The following CNPY1 variants were observed in gnomAD, a reference collection of about 807,000 sequenced individuals.
CNPY1 encodes protein canopy homolog 1.
In CNPY1, 14 loss-of-function variants were observed where a neutral mutation model predicts 14.4. That is an observed-to-expected ratio of 0.97 (90% CI 0.64 to 1.52). The LOEUF is 1.52. Among genes scored for constraint, CNPY1 ranks in the 40% most tolerant of loss-of-function variants. The probability of loss-of-function intolerance (pLI) is 0.00; values close to 1 mark genes in which losing one functional copy is unlikely to be tolerated. For synonymous variants in CNPY1, 43 were observed against 46.5 expected, an observed-to-expected ratio of 0.92 and a Z score of 0.31; for missense variants, 129 against 131.5, an observed-to-expected ratio of 0.98 and a Z score of 0.09.
Position 155,517,272 on chromosome 7 carries a change from G to A in CNPY1, c.100-8175C>T, listed in dbSNP as rs118010723. Among the ~76,000 whole-genome samples the A allele has an allele frequency of 8.1e-3, 1,226 of 152,034 alleles. 38 individuals carry two copies. The highest frequency in any genetic ancestry group is 0.051 in the Admixed American group (771 of 15,258). The stretch of plus-strand genomic sequence containing the variant: ...AGGAAACCGACACGCACAGAGGGAC[G>A]GCCATGTGAGGACGCAGAGGGAAGA... On this transcript the variant is annotated intron_variant, in intron 2 of 4. Coordinates refer to ENST00000636446, the MANE Select transcript of CNPY1 (RefSeq NM_001393663.1).
intron 2 of CNPY1, among the ~76,000 whole-genome samples, chr7:155,538,202 G>T (rs1015337044): frequency 1.3e-5 from 2 of 152,176 alleles, no homozygotes; most frequent in South Asian, 2.1e-4. Context: ...TATTAAGGTG[G>T]CATCCATGGG....
At chr7:155,533,529 C>T (rs1024139870) in intron 2 of CNPY1, among the ~76,000 whole-genome samples, 2 of 152,200 alleles carry the variant, frequency 1.3e-5, no homozygotes, top group Admixed American at 1.3e-4. Flanking sequence ...GGGGCCAGCT[C>T]CGCCACCCAG....
At chr7:155,514,313 G>A (rs953430065) in intron 2 of CNPY1, among the ~76,000 whole-genome samples, 5 of 152,212 alleles carry the variant, frequency 3.3e-5, no homozygotes, top group African/African-American at 1.2e-4. Context: ...CATGTGCCCA[G>A]TGGAAGTCCA....
intron 2 of CNPY1, among the ~76,000 whole-genome samples, chr7:155,520,428 C>CTTTTTTTTTTTTTTTT (rs71522007): frequency 5.8e-5 from 4 of 69,414 alleles, no homozygotes; most frequent in Admixed American, 2.1e-4. Context: ...TTCTTTCTTT[C>CTTTTTTTTTTTTTTTT]TTTTTTTTTT....
intron 2 of CNPY1, among the ~76,000 whole-genome samples, chr7:155,542,982 C>CG (rs1797104433): frequency 1.3e-5 from 2 of 152,138 alleles, no homozygotes; most frequent in Non-Finnish European, 2.9e-5. Flanking sequence ...GCCGAGAGGC[C>CG]ACTCACTCGC....
chr7:155,542,964 C>T (rs1297654379), intron 2 of CNPY1, among the ~76,000 whole-genome samples: 1 of 152,130 alleles, frequency 6.6e-6, no homozygotes, highest in African/African-American at 2.4e-5. Flanking sequence ...ACACTGGGTC[C>T]GCACAGTGCC....
chr7:155,515,986 T>C (rs571641770), intron 2 of CNPY1, among the ~76,000 whole-genome samples: 3 of 149,730 alleles, frequency 2.0e-5, no homozygotes, highest in African/African-American at 7.4e-5. Flanking sequence ...TGTCTACATG[T>C]GTGAGCAAAT....
At chr7:155,505,648 C>T (rs534367530) in intron 4 of CNPY1, among the ~76,000 whole-genome samples, 1 of 152,216 alleles carries the variant, frequency 6.6e-6, no homozygotes, top group South Asian at 2.1e-4. Flanking sequence ...AGTGGATCTG[C>T]GTTTGTCATA....
At chr7:155,514,060 G>A (rs535048102) in intron 2 of CNPY1, among the ~76,000 whole-genome samples, 4 of 152,336 alleles carry the variant, frequency 2.6e-5, no homozygotes, top group Admixed American at 1.3e-4. Context: ...GGTGGGCACC[G>A]CTCAGAGGGC....
At chr7:155,540,072 C>G (rs1413174018) in intron 2 of CNPY1, among the ~76,000 whole-genome samples, 2 of 152,188 alleles carry the variant, frequency 1.3e-5, no homozygotes, top group Non-Finnish European at 2.9e-5. Flanking sequence ...TTTCTCTCCT[C>G]TGGTGGCTAA....
At chr7:155,527,054 C>CTTTCTTTCTTTTTTTTTTTTTTT (rs56296833) in intron 2 of CNPY1, among the ~76,000 whole-genome samples, 1 of 90,344 alleles carries the variant, frequency 1.1e-5, no homozygotes, top group Non-Finnish European at 2.0e-5. Context: ...TTCTTTCTTT[C>CTTTCTTTCTTTTTTTTTTTTTTT]TTTTTTTTTT....
At chr7:155,533,849 C>G (rs1796985814) in intron 2 of CNPY1, 1 of 152,222 alleles carries the variant, frequency 6.6e-6, no homozygotes, top group Non-Finnish European at 1.5e-5. Context: ...GTTTCAGCAC[C>G]CACCAAGAGG....
chr7:155,510,151 C>G (rs1490447102), intron 2 of CNPY1: 1 of 152,226 alleles, frequency 6.6e-6, no homozygotes. Flanking sequence ...TGTCCCCTTT[C>G]AGGCGCAGTA....
chr7:155,516,820 C>T lies in CNPY1; in HGVS notation c.100-7723G>A, dbSNP rs144231096. ...GGTCCCGCCTGGCCACCTTCTGTTC[C>T]CTCCTGGTGACTCCTCGGCCTCCTA... On this transcript the variant is annotated intron_variant, in intron 2 of 4. Coordinates refer to ENST00000636446, the MANE Select transcript of CNPY1 (RefSeq NM_001393663.1). Among the ~76,000 whole-genome samples, 246 of 152,302 alleles carry T rather than the reference C, an allele frequency of 1.6e-3. 3 individuals are homozygous for T. Among genetic ancestry groups the T allele is most frequent in the Middle Eastern group, 0.01 (3 of 294 alleles).
At chr7:155,510,222 G>A (rs1220550698) in intron 2 of CNPY1, 1 of 152,224 alleles carries the variant, frequency 6.6e-6, no homozygotes, top group Non-Finnish European at 1.5e-5. Context: ...GCGCACAAAG[G>A]GTCTCCGCGC....
At chr7:155,510,406 G>T (rs1192752854) in intron 2 of CNPY1, 1 of 152,164 alleles carries the variant, frequency 6.6e-6, no homozygotes, top group African/African-American at 2.4e-5. Flanking sequence ...CATTCTAAAA[G>T]AAACTTGGGA....
Position 155,532,428 on chromosome 7 carries a change from T to C in CNPY1, c.99+13403A>G, listed in dbSNP as rs537615213. Among the ~76,000 whole-genome samples, 53 of 151,104 alleles carry C rather than the reference T, an allele frequency of 3.5e-4. No homozygotes were observed. In the East Asian group the frequency reaches 7.2e-3, roughly 21 times the overall value. ...ACAAGGTCAGGAGATCAAGACCATC[T>C]CGGCTAACATGGTGAAACCCGTCTC... On this transcript the variant is annotated intron_variant, in intron 2 of 4. Transcript: ENST00000636446.
At chr7:155,546,334 C>A (rs1265388315) in intron 1 of CNPY1, 95 bp downstream of exon 1, 1 of 391,068 alleles carries the variant, frequency 2.6e-6, no homozygotes, top group Non-Finnish European at 4.5e-6. Context: ...TACAGGCATA[C>A]GTCGCCACAC....
At position 155,509,786 on chromosome 7, in the gene CNPY1, C is replaced by A. The variant is rs555356851; in HGVS notation, c.100-689G>T. On this transcript the variant is annotated intron_variant, in intron 2 of 4. Coordinates refer to ENST00000636446, the MANE Select transcript of CNPY1 (RefSeq NM_001393663.1). ...TTCTTTGGGAACAGCTGGTGCACGT[C>A]CCCGCGCGCCCCTCTCCCTCCGGAA... Among the ~76,000 whole-genome samples, 308 of 152,334 alleles carry A rather than the reference C, an allele frequency of 2.0e-3. 4 individuals are homozygous for A. In the Middle Eastern group the frequency reaches 0.034, roughly 17 times the overall value.
Sources: allele counts gnomAD v4.1 joint callset (sites outside exome capture counted in the v4.1 genomes callset), GRCh38; gene constraint gnomAD v4.1.1; transcripts MANE v1.5; gene names NCBI Gene and HGNC (gene_info 2026-07-23, HGNC 2026-07-21).